The following EBAG9 variants were observed in gnomAD, a reference collection of about 807,000 sequenced individuals.
The protein encoded by EBAG9 is receptor-binding cancer antigen expressed on SiSo cells.
In EBAG9, 16 loss-of-function variants were observed where a neutral mutation model predicts 30.9. The observed-to-expected ratio is 0.52, with a 90% CI of 0.35 to 0.79. The LOEUF (loss-of-function observed/expected upper bound fraction) is 0.79. Ranked by LOEUF, EBAG9 falls within the 30% of genes least tolerant of loss-of-function variation. The pLI, the probability that EBAG9 is intolerant of heterozygous loss-of-function variation, is 0.01. For missense variants in EBAG9, 197 were observed against 242.1 expected, an observed-to-expected ratio of 0.81 and a Z score of 1.24; for synonymous variants, 93 against 82.8, an observed-to-expected ratio of 1.12 and a Z score of -0.67.
At chr8:109,554,557 T>A (rs1242885987) in intron 3 of EBAG9, among the ~76,000 whole-genome samples, 172 bp from the exon 4 acceptor site, 2 of 152,196 alleles carry the variant, frequency 1.3e-5, no homozygotes, top group Non-Finnish European at 2.9e-5. Context: ...TGTCTTGTAT[T>A]TTTTGAACTT....
chr8:109,563,416 TTACTC>T (rs1821747259), intron 6 of EBAG9: 2 of 1,597,402 alleles, frequency 1.3e-6, no homozygotes, highest in Non-Finnish European at 1.7e-6. Flanking sequence ...CAATGTATGT[TTACTC>T]TGCTCTCTCC....
chr8:109,546,366 C>T (rs571276101), intron 1 of EBAG9, among the ~76,000 whole-genome samples: 1 of 152,160 alleles, frequency 6.6e-6, no homozygotes, highest in African/African-American at 2.4e-5. Flanking sequence ...TATATACACT[C>T]ACCTATGAAA....
chr8:109,540,854 C>A (rs562780797), intron 1 of EBAG9: 1 of 152,070 alleles, frequency 6.6e-6, no homozygotes, highest in South Asian at 2.1e-4. Context: ...TGAAAAGATT[C>A]GTAAATAGAG....
At chr8:109,554,677 T>G in intron 3 of EBAG9, 52 bp from the exon 4 acceptor site, 1 of 1,547,164 alleles carries the variant, frequency 6.5e-7, no homozygotes, top group South Asian at 1.2e-5. Flanking sequence ...ATCAATGATG[T>G]GTTCATTAAG....
Position 109,565,170 on chromosome 8 carries a change from G to T in EBAG9, c.*611G>T, listed in dbSNP as rs117970035. 1 of 152,062 alleles carries T rather than the reference G, an allele frequency of 6.6e-6. No individual in the cohort carries two copies. The highest frequency in any genetic ancestry group is 2.4e-5 in the African/African-American group (1 of 41,118). The allele number at this position is 152,062 out of a possible 1,614,324, so 9.4% of individuals were successfully genotyped here. The stretch of plus-strand genomic sequence containing the variant: ...TAATTTTACTTATCATAAACATTTT[G>T]TACATCATTATTTTCTTTTGGATTA... On this transcript the variant is annotated 3_prime_UTR_variant, in exon 7 of 7. Coordinates refer to ENST00000337573, the MANE Select transcript of EBAG9 (RefSeq NM_004215.5).
chr8:109,554,962 C>A, intron 4 of EBAG9, 75 bp downstream of exon 4: 6 of 1,372,046 alleles, frequency 4.4e-6, no homozygotes, highest in Non-Finnish European at 6.0e-6. Flanking sequence ...TGATACAATT[C>A]ACATTTATTA....
chr8:109,542,379 A>G (rs988736468), intron 1 of EBAG9, among the ~76,000 whole-genome samples: 2 of 152,204 alleles, frequency 1.3e-5, no homozygotes, highest in African/African-American at 2.4e-5. Flanking sequence ...GACACTAACA[A>G]TATTTGGAAA....
intron 1 of EBAG9, among the ~76,000 whole-genome samples, chr8:109,542,967 ATGGGCAGTAC>A (rs1821307172): frequency 6.6e-6 from 1 of 152,094 alleles, no homozygotes; most frequent in South Asian, 2.1e-4. Context: ...AGGAAAGAAT[ATGGGCAGTAC>A]TGGGAAATTG....
intron 1 of EBAG9, among the ~76,000 whole-genome samples, chr8:109,549,643 C>T (rs946310656): frequency 6.6e-6 from 1 of 152,010 alleles, no homozygotes; most frequent in Non-Finnish European, 1.5e-5. Context: ...CAAGTAAATA[C>T]AGGCACAAAG....
At chr8:109,541,551 T>TA (rs1248803271) in intron 1 of EBAG9, among the ~76,000 whole-genome samples, 1 of 152,206 alleles carries the variant, frequency 6.6e-6, no homozygotes, top group Admixed American at 6.5e-5. Flanking sequence ...CAAGGAATGT[T>TA]AGTTTCCTTC....
chr8:109,549,536 A>G (rs1410163362), intron 1 of EBAG9, among the ~76,000 whole-genome samples: 1 of 152,038 alleles, frequency 6.6e-6, no homozygotes. Context: ...AACTACAAAT[A>G]TAATTTCTTT....
At chr8:109,545,321 C>CAAAAA (rs540899914) in intron 1 of EBAG9, among the ~76,000 whole-genome samples, 1 of 37,794 alleles carries the variant, frequency 2.6e-5, no homozygotes, top group African/African-American at 9.0e-5. Context: ...GACTGTGTCT[C>CAAAAA]AAAAAAAAAA....
chr8:109,562,660 A>G (rs776373106), intron 6 of EBAG9, among the ~76,000 whole-genome samples: 6 of 151,590 alleles, frequency 4.0e-5, no homozygotes, highest in African/African-American at 1.5e-4. Flanking sequence ...GTCTGCAGCT[A>G]TCTCGTAAGT....
intron 5 of EBAG9, among the ~76,000 whole-genome samples, chr8:109,560,413 G>A (rs1395030364): frequency 6.6e-6 from 1 of 152,210 alleles, no homozygotes; most frequent in African/African-American, 2.4e-5. Context: ...TCAGCTCGCA[G>A]TTCTTCTCAG....
In EBAG9 at chr8:109,565,304, T is replaced by C. The variant is rs866249219; in HGVS notation, c.*745T>C. 1.3e-5 allele frequency: 2 copies of C among 152,332 alleles called. No individual in the cohort carries two copies. 9.4% of individuals were successfully genotyped at this position (152,332 alleles called of 1,614,324 possible). A position where few individuals can be genotyped will look rare whatever the true frequency, so the allele number is the denominator to read the frequency against. On this transcript the variant is annotated 3_prime_UTR_variant, in exon 7 of 7. Transcript: ENST00000337573. ...GAGTTTCAAGAACTAGTATTAGTAG[T>C]TTTTTCCTTTCATTATAGATTGTAA... is the stretch of plus-strand genomic sequence containing the variant.
chr8:109,554,984 TC>T (rs1193550913), intron 4 of EBAG9, 97 bp downstream of exon 4: 6 of 1,303,872 alleles, frequency 4.6e-6, no homozygotes, highest in African/African-American at 1.5e-5. Context: ...AAAGCCTATT[TC>T]TTTTTTTTTT....
chr8:109,555,350 A>C (rs766870666), intron 4 of EBAG9, among the ~76,000 whole-genome samples: 1 of 152,134 alleles, frequency 6.6e-6, no homozygotes, highest in Non-Finnish European at 1.5e-5. Context: ...TCTATGGTGT[A>C]TATGTGCCAC....
intron 6 of EBAG9, among the ~76,000 whole-genome samples, 168 bp downstream of exon 6, chr8:109,561,097 A>G (rs544160122): frequency 6.6e-6 from 1 of 151,886 alleles, no homozygotes; most frequent in African/African-American, 2.4e-5. Context: ...ATACTATTTT[A>G]TATGATTAAA....
rs1195988129 is a variant in EBAG9 at position 109,563,549 on chromosome 8, A to T, written c.522-890A>T. ...AGTAAGGAACAGGTATGTATTTCAC[A>T]AAGTATGATTAGTAAATACCTACCA... On this transcript the variant is annotated intron_variant, in intron 6 of 6. Coordinates refer to ENST00000337573, the MANE Select transcript of EBAG9 (RefSeq NM_004215.5). 3.8e-6 allele frequency: 6 copies of T among 1,584,860 alleles called. No homozygotes were observed. The Admixed American group carries it at 5.2e-5, about 14-fold the overall frequency.
Sources: allele counts gnomAD v4.1 joint callset (sites outside exome capture counted in the v4.1 genomes callset), GRCh38; gene constraint gnomAD v4.1.1; transcripts MANE v1.5; gene names NCBI Gene and HGNC (gene_info 2026-07-23, HGNC 2026-07-21).